Variants in DAP observed in about 807,000 individuals in gnomAD.
The protein encoded by DAP is death-associated protein 1.
A neutral mutation model predicts 13.8 loss-of-function variants in DAP; 8 were observed. The observed-to-expected ratio is 0.58, with a 90% CI of 0.34 to 1.05. The LOEUF (loss-of-function observed/expected upper bound fraction) is 1.05, where lower values mean the gene tolerates loss of function less well. Ranked by LOEUF, DAP falls within the 50% of genes least tolerant of loss-of-function variation. DAP has a pLI of 0.03. For synonymous variants in DAP, 47 were observed against 47.5 expected (o/e 0.99, Z 0.04); for missense variants, 106 against 133.2 (o/e 0.80, Z 1.01).
chr5:10,692,727 T>G (rs1022969698), intron 2 of DAP, among the ~76,000 whole-genome samples: 2 of 152,130 alleles, frequency 1.3e-5, no homozygotes, highest in Non-Finnish European at 2.9e-5. Flanking sequence ...GACACCGATA[T>G]TGCAATAATA....
At chr5:10,712,903 G>C (rs541090246) in intron 2 of DAP, among the ~76,000 whole-genome samples, 1 of 152,242 alleles carries the variant, frequency 6.6e-6, no homozygotes, top group Admixed American at 6.5e-5. Context: ...ATATCAAATG[G>C]ATCTAGGTGG....
At chr5:10,741,400 A>G (rs1303815241) in intron 2 of DAP, among the ~76,000 whole-genome samples, 1 of 152,220 alleles carries the variant, frequency 6.6e-6, no homozygotes, top group African/African-American at 2.4e-5. Context: ...TATTCACACC[A>G]TAAAATTAGC....
intron 2 of DAP, among the ~76,000 whole-genome samples, chr5:10,725,318 C>A (rs1054968726): frequency 6.6e-6 from 1 of 152,154 alleles, no homozygotes; most frequent in Non-Finnish European, 1.5e-5. Context: ...ATGGTTATGC[C>A]GGGTCCTGAG....
intron 2 of DAP, among the ~76,000 whole-genome samples, chr5:10,703,470 G>A (rs909670712): frequency 6.6e-6 from 1 of 152,090 alleles, no homozygotes; most frequent in Non-Finnish European, 1.5e-5. Context: ...TTTAAGCTTC[G>A]GAACAACTGT....
chr5:10,715,277 A>G (rs1448627496), intron 2 of DAP, among the ~76,000 whole-genome samples: 2 of 152,186 alleles, frequency 1.3e-5, no homozygotes, highest in African/African-American at 4.8e-5. Flanking sequence ...CTGTACTTGC[A>G]CTAGGGAGTA....
intron 1 of DAP, among the ~76,000 whole-genome samples, chr5:10,756,291 C>G (rs544774015): frequency 1.7e-5 from 2 of 120,654 alleles, no homozygotes; most frequent in African/African-American, 6.6e-5. Context: ...CATTCAATTT[C>G]TGGTCCTGAC....
At chr5:10,719,956 G>A (rs207465560) in intron 2 of DAP, among the ~76,000 whole-genome samples, 60 of 152,318 alleles carry the variant, frequency 3.9e-4, no homozygotes, top group Admixed American at 1.8e-3. Context: ...AGGATGCAGT[G>A]AAGGGAAATC....
chr5:10,742,277 G>A (rs1428962982), intron 2 of DAP, among the ~76,000 whole-genome samples: 1 of 152,182 alleles, frequency 6.6e-6, no homozygotes, highest in Non-Finnish European at 1.5e-5. Flanking sequence ...GCTCATGCCT[G>A]TAATCCCAGC....
At chr5:10,758,533 G>A (rs1341567634) in intron 1 of DAP, among the ~76,000 whole-genome samples, 1 of 152,120 alleles carries the variant, frequency 6.6e-6, no homozygotes, top group African/African-American at 2.4e-5. Context: ...AGCTCACCCC[G>A]TAAGTCTAAA....
chr5:10,734,659 C>A (rs531606801), intron 2 of DAP, among the ~76,000 whole-genome samples: 2 of 152,148 alleles, frequency 1.3e-5, no homozygotes, highest in Non-Finnish European at 2.9e-5. Context: ...ATACTCACAG[C>A]GTCATTTCTA....
At chr5:10,684,961 G>A (rs1231927032) in intron 2 of DAP, among the ~76,000 whole-genome samples, 4 of 152,162 alleles carry the variant, frequency 2.6e-5, no homozygotes, top group African/African-American at 9.7e-5. Context: ...GGTAGAGGGG[G>A]TAGAATTTAT....
intron 2 of DAP, among the ~76,000 whole-genome samples, chr5:10,690,383 C>A (rs570912056): frequency 6.6e-6 from 1 of 152,084 alleles, no homozygotes; most frequent in Admixed American, 6.6e-5. Context: ...TAAGTATATT[C>A]ATATTATTAT....
At chr5:10,722,721 C>T (rs1173567481) in intron 2 of DAP, among the ~76,000 whole-genome samples, 1 of 151,868 alleles carries the variant, frequency 6.6e-6, no homozygotes, top group Non-Finnish European at 1.5e-5. Context: ...GCAATGTCAC[C>T]TTAATGAAAA....
chr5:10,742,922 C>T (rs974830307), intron 2 of DAP, among the ~76,000 whole-genome samples: 4 of 151,596 alleles, frequency 2.6e-5, no homozygotes, highest in Non-Finnish European at 5.9e-5. Context: ...ATGTTTGTAT[C>T]TACCATCCAT....
chr5:10,737,728 T>C (rs1285267561), intron 2 of DAP, among the ~76,000 whole-genome samples: 1 of 152,214 alleles, frequency 6.6e-6, no homozygotes, highest in African/African-American at 2.4e-5. Context: ...AAAATTGCTA[T>C]AGATCACCAT....
intron 2 of DAP, among the ~76,000 whole-genome samples, chr5:10,689,021 T>TCCTCCCTGC (rs1480804072): frequency 6.6e-6 from 1 of 151,994 alleles, no homozygotes; most frequent in African/African-American, 2.4e-5. Flanking sequence ...GTCCCGCCCT[T>TCCTCCCTGC]CCTCCCTGCC....
At chr5:10,703,882 TG>T in intron 2 of DAP, among the ~76,000 whole-genome samples, 1 of 152,354 alleles carries the variant, frequency 6.6e-6, no homozygotes, top group East Asian at 1.9e-4. Context: ...CCAGCCTTGC[TG>T]GGGGCCAGGC....
At chr5:10,716,217 C>T (rs1738983434) in intron 2 of DAP, among the ~76,000 whole-genome samples, 1 of 152,174 alleles carries the variant, frequency 6.6e-6, no homozygotes, top group African/African-American at 2.4e-5. Context: ...GCTGGATAAG[C>T]CCTGAAACTG....
intron 2 of DAP, among the ~76,000 whole-genome samples, chr5:10,741,653 G>T (rs1398711305): frequency 6.6e-6 from 1 of 152,218 alleles, no homozygotes; most frequent in African/African-American, 2.4e-5. Flanking sequence ...TAAAGGGCGA[G>T]ATAATAAGTT....
Sources: allele counts gnomAD v4.1 joint callset (sites outside exome capture counted in the v4.1 genomes callset), GRCh38; gene constraint gnomAD v4.1.1; transcripts MANE v1.5; gene names NCBI Gene and HGNC (gene_info 2026-07-23, HGNC 2026-07-21).